Variants in CT55 observed in about 807,000 individuals in gnomAD.
The protein encoded by CT55 is cancer/testis antigen 55.
A neutral mutation model predicts 12.6 loss-of-function variants in CT55; 1 was observed. The ratio of observed to expected loss-of-function variants is 0.08; its 90% CI spans 0.03 to 0.38. The LOEUF (loss-of-function observed/expected upper bound fraction) is 0.38, where lower values mean the gene tolerates loss of function less well. CT55 is among the 10% of genes least tolerant of loss of function. The pLI is 0.99. For missense variants in CT55, 109 were observed against 135.4 expected, an observed-to-expected ratio of 0.80 and a Z score of 0.97; for synonymous variants, 43 against 49.7, an observed-to-expected ratio of 0.87 and a Z score of 0.57.
intron 2 of CT55, among the ~76,000 whole-genome samples, chrX:135,168,795 A>G (rs2083597613): frequency 8.9e-6 from 1 of 112,152 alleles, no homozygotes; most frequent in Non-Finnish European, 1.9e-5. Context: ...AGATGGTATC[A>G]GACGAAATAC....
chrX:135,158,175 C>T (rs782262213), intron 4 of CT55, 24 bp downstream of exon 4: 96 of 1,002,212 alleles, frequency 9.6e-5, no homozygotes, highest in South Asian at 6.9e-4. Flanking sequence ...AAACTGCTGA[C>T]GGGAGCAACA....
intron 2 of CT55, among the ~76,000 whole-genome samples, chrX:135,164,817 C>A (rs782225209): frequency 8.9e-6 from 1 of 112,205 alleles, no homozygotes; most frequent in Non-Finnish European, 1.9e-5. Context: ...GTTTAAATCA[C>A]AAACTGTAAA....
chrX:135,168,167 A>G (rs1175122571), intron 2 of CT55, among the ~76,000 whole-genome samples: 1 of 112,395 alleles, frequency 8.9e-6, no homozygotes, highest in Admixed American at 9.4e-5. Flanking sequence ...CCCTATTCAC[A>G]ATAGCTATGA....
intron 2 of CT55, among the ~76,000 whole-genome samples, chrX:135,162,852 G>A (rs1556405386): frequency 9.0e-6 from 1 of 111,463 alleles, no homozygotes; most frequent in African/African-American, 3.3e-5. Flanking sequence ...TGATTCCAGT[G>A]GCCTTATGCT....
At chrX:135,165,560 C>T (rs2083579581) in intron 2 of CT55, among the ~76,000 whole-genome samples, 1 of 110,746 alleles carries the variant, frequency 9.0e-6, no homozygotes, top group Non-Finnish European at 1.9e-5. Flanking sequence ...AAAATTAGGA[C>T]AGAAATCATA....
chrX:135,158,344 G>T, intron 3 of CT55, 33 bp from the exon 4 acceptor site: 1 of 906,375 alleles, frequency 1.1e-6, no homozygotes, highest in Non-Finnish European at 1.6e-6. Flanking sequence ...TGAGTGTCAT[G>T]ATCTCTTAAC....
intron 2 of CT55, among the ~76,000 whole-genome samples, chrX:135,162,400 G>A (rs782541002): frequency 8.9e-6 from 1 of 112,171 alleles, no homozygotes; most frequent in African/African-American, 3.2e-5. Flanking sequence ...AGGAGGAGGG[G>A]AGCAAGATGG....
chrX:135,162,052 C>A (rs782159676), intron 2 of CT55, among the ~76,000 whole-genome samples: 1 of 112,301 alleles, frequency 8.9e-6, no homozygotes, highest in East Asian at 2.8e-4. Flanking sequence ...ACACAACAGC[C>A]GGTACAAATA....
intron 2 of CT55, among the ~76,000 whole-genome samples, chrX:135,165,158 C>T (rs1354967346): frequency 1.8e-5 from 2 of 112,010 alleles, no homozygotes; most frequent in South Asian, 3.7e-4. Flanking sequence ...GGAACATTCT[C>T]GAGGATAGAT....
At chrX:135,165,531 CAAG>C (rs1416727962) in intron 2 of CT55, among the ~76,000 whole-genome samples, 3 of 110,296 alleles carry the variant, frequency 2.7e-5, no homozygotes, top group Non-Finnish European at 5.7e-5. Context: ...ACTAGAAAAA[CAAG>C]AAAAAAATGC....
At chrX:135,171,056 A>T (rs782320857) in intron 1 of CT55, 22 bp downstream of exon 1, 6 of 1,206,790 alleles carry the variant, frequency 5.0e-6, no homozygotes, top group African/African-American at 1.8e-5. Context: ...GGTGGGGGAC[A>T]AGGGGACACA....
chrX:135,157,955 G>C (rs1188740870), intron 4 of CT55, among the ~76,000 whole-genome samples: 1 of 77,821 alleles, frequency 1.3e-5, no homozygotes, highest in Non-Finnish European at 2.4e-5. Context: ...AATAACATTT[G>C]GGTATCGAGT....
chrX:135,165,694 A>C (rs1413656251), intron 2 of CT55, among the ~76,000 whole-genome samples: 1 of 111,311 alleles, frequency 9.0e-6, no homozygotes, highest in Non-Finnish European at 1.9e-5. Context: ...TAAGGAAAAA[A>C]GAGAGAAGAT....
rs781892973 is a variant in CT55, at chrX:135,158,241, C to T, written c.495G>A (p.Lys165=). The change falls in exon 4 of 6, where the codon AAG becomes AAA. Residue 165 remains lysine, a synonymous_variant. Transcript: ENST00000276241. ...YSTEPGISNI[K]ATSVKPIRCI... ...AACGGATGGGCTTCACAGAAGTTGC[C>T]TTGATGTTTGAGATGCCTGGCTCAG... The T allele has an allele frequency of 1.7e-6, 2 of 1,209,243 alleles. No individual in the cohort carries two copies. Among genetic ancestry groups the T allele is most frequent in the Admixed American group, 2.2e-5 (1 of 46,052 alleles).
At chrX:135,169,369 A>G (rs1364298495) in intron 2 of CT55, among the ~76,000 whole-genome samples, 1 of 112,444 alleles carries the variant, frequency 8.9e-6, no homozygotes, top group Non-Finnish European at 1.9e-5. Context: ...CATATTGTTT[A>G]AAGACTAGAA....
chrX:135,165,398 C>G (rs1256988888), intron 2 of CT55, among the ~76,000 whole-genome samples: 2 of 111,409 alleles, frequency 1.8e-5, no homozygotes, highest in Non-Finnish European at 3.8e-5. Flanking sequence ...AATGAAGGCA[C>G]AACATACGAA....
intron 2 of CT55, among the ~76,000 whole-genome samples, chrX:135,163,096 A>G (rs1272632520): frequency 8.9e-6 from 1 of 112,057 alleles, no homozygotes; most frequent in Non-Finnish European, 1.9e-5. Flanking sequence ...GATGTCCCCT[A>G]AAAGCTAGAC....
Position 135,169,630 on chromosome X carries a change from T to C in CT55, c.243A>G (p.Glu81=), listed in dbSNP as rs782292242. The C allele has an allele frequency of 2.5e-6, 3 of 1,207,750 alleles. No individual in the cohort carries two copies. The highest frequency in any genetic ancestry group is 3.4e-6 in the Non-Finnish European group (3 of 893,879). Residue 81 remains glutamate, a synonymous_variant, in exon 2 of 6, where the codon GAA becomes GAG. Transcript: ENST00000276241. ...KVGQKVNVVV[E]EDKPHYGLRA... is the part of the protein sequence containing the mutation. Reference sequence around the variant, plus strand: ...TCAATCCATAATGTGGTTTATCTTCTTCCACAACCACATTAACTTTTTGTC... The same window carrying C: ...TCAATCCATAATGTGGTTTATCTTCCTCCACAACCACATTAACTTTTTGTC...
Position 135,158,439 on chromosome X carries a change from A to T in CT55, c.425-128T>A, listed in dbSNP as rs1414465062. 73 of 429,706 alleles carry T rather than the reference A, an allele frequency of 1.7e-4. No individual in the cohort carries two copies. In the Admixed American group the frequency reaches 2.7e-3, roughly 16 times the overall value. 35.4% of individuals were successfully genotyped at this position (429,706 alleles called of 1,213,427 possible). A position where few individuals can be genotyped will look rare whatever the true frequency, so the allele number is the denominator to read the frequency against. ...TAAATCTAAAGTCCATTTTGTGCAT[A>T]TTTAAACAGACACTACAAATCTCTA... On this transcript the variant is annotated intron_variant, in intron 3 of 5. Coordinates refer to ENST00000276241, the MANE Select transcript of CT55 (RefSeq NM_001031705.3).
Sources: gnomAD v4.1 joint callset for allele counts (sites outside exome capture counted in the v4.1 genomes callset) on GRCh38, gnomAD v4.1.1 for gene constraint, MANE v1.5 for transcripts, NCBI Gene and HGNC (gene_info 2026-07-23, HGNC 2026-07-21) for gene names.